Variants in SLCO3A1 observed in about 807,000 individuals in gnomAD.
The protein encoded by SLCO3A1 is solute carrier organic anion transporter family member 3A1, also known as PGE1 transporter.
Under a neutral mutation model 63.1 loss-of-function variants are expected in SLCO3A1, and 27 were observed. That is an observed-to-expected ratio of 0.43 (90% CI 0.32 to 0.59). The LOEUF is 0.59. Ranked by LOEUF, SLCO3A1 falls within the 20% of genes least tolerant of loss-of-function variation. The probability of loss-of-function intolerance (pLI) is 0.09; values close to 1 mark genes in which losing one functional copy is unlikely to be tolerated. For missense variants in SLCO3A1, 773 were observed against 945.8 expected (o/e 0.82, Z 2.40); for synonymous variants, 473 against 409.9 (o/e 1.15, Z -1.86).
intron 2 of SLCO3A1, among the ~76,000 whole-genome samples, chr15:91,989,249 C>T (rs2046094992): frequency 6.6e-6 from 1 of 152,204 alleles, no homozygotes; most frequent in Admixed American, 6.5e-5. Context: ...CTCTATCTTC[C>T]CTGTTCCATC....
rs397809814 is a variant in SLCO3A1 at position 91,866,592 on chromosome 15, G to GA, written c.180+12514dup. On this transcript the variant is annotated intron_variant, in intron 1 of 9. Transcript: ENST00000318445. ...CCTTTTTTTAAAAAAAAAAAAAAAA[G>GA]AAAAAAAAAATGTCAGCTTGATCTC... is the stretch of plus-strand genomic sequence containing the variant. Among the ~76,000 whole-genome samples the GA allele has an allele frequency of 7.0e-4, 99 of 140,494 alleles. 1 individual carries two copies. In the East Asian group the frequency reaches 0.014, roughly 19 times the overall value. 92.2% of individuals were successfully genotyped at this position (140,494 alleles called of 152,430 possible).
At chr15:91,983,950 C>A (rs921327710) in intron 2 of SLCO3A1, among the ~76,000 whole-genome samples, 2 of 152,152 alleles carry the variant, frequency 1.3e-5, no homozygotes, top group African/African-American at 4.8e-5. Flanking sequence ...CTAGGCTAAT[C>A]AATCAAGGAG....
At chr15:91,989,638 G>A (rs980669247) in intron 2 of SLCO3A1, among the ~76,000 whole-genome samples, 9 of 152,168 alleles carry the variant, frequency 5.9e-5, no homozygotes, top group Admixed American at 2.0e-4. Context: ...CCATTACCTC[G>A]TTGCTCTGCA....
At chr15:92,120,720 C>G in intron 5 of SLCO3A1, 91 bp downstream of exon 5, 1 of 1,088,822 alleles carries the variant, frequency 9.2e-7, no homozygotes, top group Non-Finnish European at 1.4e-6. Flanking sequence ...CTGAAGAACC[C>G]CACTCTGCTC....
chr15:91,956,669 C>T (rs1031507235), intron 2 of SLCO3A1, among the ~76,000 whole-genome samples: 13 of 151,766 alleles, frequency 8.6e-5, no homozygotes, highest in East Asian at 2.0e-4. Flanking sequence ...CTAAAACCCC[C>T]GACACCATTT....
chr15:92,100,343 A>G (rs1407560445), intron 3 of SLCO3A1, among the ~76,000 whole-genome samples: 2 of 152,110 alleles, frequency 1.3e-5, no homozygotes, highest in East Asian at 3.9e-4. Context: ...AGTTGAGCCT[A>G]TTTACTTAGA....
At position 91,854,277 on chromosome 15, in the gene SLCO3A1, G is replaced by T. The variant is rs1896853748; in HGVS notation, c.180+189G>T. ...GCCGGCCGGGGCTGCCAGCGAGCGGGTAGCGGGCGGGACCGTTGATGCCGG... is the reference window on the plus strand; with the variant it reads ...GCCGGCCGGGGCTGCCAGCGAGCGGTTAGCGGGCGGGACCGTTGATGCCGG... On this transcript the variant is annotated intron_variant, in intron 1 of 9. Transcript: ENST00000318445. The surrounding 1 kb of genome is among the most constrained non-coding windows in gnomAD (Gnocchi z 6.4). 8.7e-6 allele frequency: 10 copies of T among 1,144,850 alleles called. No homozygotes were observed. The highest frequency in any genetic ancestry group is 9.7e-6 in the Non-Finnish European group (9 of 926,714). 70.9% of individuals were successfully genotyped at this position (1,144,850 alleles called of 1,614,324 possible).
rs74832627 is a variant in SLCO3A1 at position 91,985,905 on chromosome 15, G to C, written c.646+69447G>C. The stretch of plus-strand genomic sequence containing the variant: ...CTGTGGGCTTCCTAGTCTACGTGTA[G>C]GTGGGGGAGGCCTTCGAGGAGCAGG... On this transcript the variant is annotated intron_variant, in intron 2 of 9. Coordinates refer to ENST00000318445, the MANE Select transcript of SLCO3A1 (RefSeq NM_013272.4). 5.9e-3 allele frequency among the ~76,000 whole-genome samples: 901 copies of C among 152,306 alleles called. 11 individuals carry two copies. Among genetic ancestry groups the C allele is most frequent in the African/African-American group, 0.021 (863 of 41,560 alleles).
At chr15:92,045,122 T>C (rs1403336409) in intron 2 of SLCO3A1, among the ~76,000 whole-genome samples, 1 of 151,916 alleles carries the variant, frequency 6.6e-6, no homozygotes, top group Non-Finnish European at 1.5e-5. Context: ...CTACTAAAAA[T>C]ACAAAAAATT....
intron 2 of SLCO3A1, among the ~76,000 whole-genome samples, chr15:92,079,206 C>G (rs1744150908): frequency 6.6e-6 from 1 of 152,168 alleles, no homozygotes; most frequent in Admixed American, 6.5e-5. Flanking sequence ...GATGGCCCAC[C>G]ACATGCATCT....
intron 2 of SLCO3A1, among the ~76,000 whole-genome samples, chr15:92,010,772 T>C (rs909407386): frequency 6.6e-6 from 1 of 152,160 alleles, no homozygotes; most frequent in Non-Finnish European, 1.5e-5. Flanking sequence ...CAGTAATAAA[T>C]GATGGGCTGA....
chr15:91,902,854 T>C (rs1284197144), intron 1 of SLCO3A1, among the ~76,000 whole-genome samples: 1 of 152,210 alleles, frequency 6.6e-6, no homozygotes, highest in East Asian at 1.9e-4. Flanking sequence ...CTGCAAGACC[T>C]TCGGCAAATT....
At chr15:91,927,402 A>T (rs1181750565) in intron 2 of SLCO3A1, among the ~76,000 whole-genome samples, 1 of 152,166 alleles carries the variant, frequency 6.6e-6, no homozygotes, top group Non-Finnish European at 1.5e-5. Context: ...TCTTACTAAG[A>T]AAAAGACTCA....
chr15:91,888,100 G>A (rs2151353753), intron 1 of SLCO3A1, among the ~76,000 whole-genome samples: 1 of 152,304 alleles, frequency 6.6e-6, no homozygotes, highest in African/African-American at 2.4e-5. Context: ...TTATGCTCTT[G>A]TTTGTGGTTT....
chr15:92,007,554 C>A (rs2046326044), intron 2 of SLCO3A1, among the ~76,000 whole-genome samples: 1 of 152,080 alleles, frequency 6.6e-6, no homozygotes, highest in Non-Finnish European at 1.5e-5. Context: ...GGCAGAAGGG[C>A]TTGGGTTGTA....
chr15:91,888,426 A>G (rs1237179328), intron 1 of SLCO3A1, among the ~76,000 whole-genome samples: 2 of 152,176 alleles, frequency 1.3e-5, no homozygotes, highest in Non-Finnish European at 2.9e-5. Flanking sequence ...CAGTTATACA[A>G]ATGACATATG....
rs1898673335 is a variant in SLCO3A1 at position 91,916,680 on chromosome 15, G to A, written c.646+222G>A. On this transcript the variant is annotated intron_variant, in intron 2 of 9. Transcript: ENST00000318445. This position sits in a 1 kb window ranked among gnomAD's most constrained non-coding sequence, Gnocchi z 6.2. ...GTGAGCGGCCGAATTTGAGCTCCACGGGGCTAGACCACTAACACCGCTTCA... is the reference window on the plus strand; with the variant it reads ...GTGAGCGGCCGAATTTGAGCTCCACAGGGCTAGACCACTAACACCGCTTCA... Among the ~76,000 whole-genome samples, 1 of 152,212 alleles carries A rather than the reference G, an allele frequency of 6.6e-6. No homozygotes were observed. Among genetic ancestry groups the A allele is most frequent in the Non-Finnish European group, 1.5e-5 (1 of 68,034 alleles).
intron 7 of SLCO3A1, among the ~76,000 whole-genome samples, chr15:92,145,210 CAG>C (rs1394626114): frequency 1.3e-5 from 2 of 152,146 alleles, no homozygotes; most frequent in Non-Finnish European, 2.9e-5. Context: ...AGAAGCCAGT[CAG>C]AGTCAGCTGA....
At chr15:92,068,953 G>A (rs192711245) in intron 2 of SLCO3A1, among the ~76,000 whole-genome samples, 3 of 152,282 alleles carry the variant, frequency 2.0e-5, no homozygotes, top group Admixed American at 2.0e-4. Flanking sequence ...ATGATTCCTA[G>A]AGATTCATGA....
Sources: gnomAD v4.1 joint callset for allele counts (sites outside exome capture counted in the v4.1 genomes callset) on GRCh38, gnomAD v4.1.1 for gene constraint, Gnocchi (gnomAD v3.1) non-coding constraint, MANE v1.5 for transcripts, NCBI Gene and HGNC (gene_info 2026-07-23, HGNC 2026-07-21) for gene names.